XIAP: variants seen among roughly 807,000 people sequenced by gnomAD.
The protein encoded by XIAP is E3 ubiquitin-protein ligase XIAP.
In XIAP, 3 loss-of-function variants were observed where a neutral mutation model predicts 33.1. The ratio of observed to expected loss-of-function variants is 0.09; its 90% CI spans 0.04 to 0.23. The LOEUF (loss-of-function observed/expected upper bound fraction) is 0.23, where lower values mean the gene tolerates loss of function less well. XIAP is among the 10% of genes least tolerant of loss of function. The probability of loss-of-function intolerance (pLI) is 1.00; values close to 1 mark genes in which losing one functional copy is unlikely to be tolerated. For missense variants in XIAP, 264 were observed against 363.0 expected, an observed-to-expected ratio of 0.73 and a Z score of 2.22; for synonymous variants, 98 against 121.3, an observed-to-expected ratio of 0.81 and a Z score of 1.26.
intron 1 of XIAP, among the ~76,000 whole-genome samples, chrX:123,883,979 A>G (rs2053329153): frequency 8.9e-6 from 1 of 112,158 alleles, no homozygotes; most frequent in Admixed American, 9.6e-5. Flanking sequence ...TAATTCATCA[A>G]AAGTCATGGA....
intron 1 of XIAP, among the ~76,000 whole-genome samples, chrX:123,865,646 C>T (rs1267634380): frequency 3.6e-5 from 4 of 110,649 alleles, no homozygotes; most frequent in Non-Finnish European, 7.6e-5. Flanking sequence ...ATGGTGTGAA[C>T]CCGGGAGGCG....
chrX:123,891,771 A>G (rs991131056), intron 4 of XIAP, among the ~76,000 whole-genome samples: 12 of 105,218 alleles, frequency 1.1e-4, no homozygotes, highest in African/African-American at 4.2e-4. Context: ...TCAGTGAGCC[A>G]GGTTCATTCC....
rs1211628325 is a variant in XIAP at position 123,900,729 on chromosome X, C to T, written c.1300+36C>T. On this transcript the variant is annotated intron_variant, in intron 6 of 6. Transcript: ENST00000371199. ...CTGTTTTTAAAAAGCAAGAAAGGGC[C>T]AGATGTGGTGGCTCATACCTGTAAT... 8.6e-6 allele frequency: 10 copies of T among 1,158,427 alleles called. No homozygotes were observed. The Admixed American group carries it at 2.2e-4, about 25-fold the overall frequency.
intron 1 of XIAP, among the ~76,000 whole-genome samples, chrX:123,883,114 G>A (rs1182968999): frequency 1.8e-5 from 2 of 109,493 alleles, no homozygotes; most frequent in South Asian, 3.9e-4. Context: ...ATGGAGCCTC[G>A]CTCTGTCGCC....
chrX:123,901,623 A>G (rs2053514919), intron 6 of XIAP, among the ~76,000 whole-genome samples: 1 of 111,994 alleles, frequency 8.9e-6, no homozygotes, highest in Non-Finnish European at 1.9e-5. Flanking sequence ...AGATATTTCA[A>G]GTGCTTTTGA....
chrX:123,871,576 G>A (rs1408203183), intron 1 of XIAP, among the ~76,000 whole-genome samples: 1 of 109,028 alleles, frequency 9.2e-6, no homozygotes, highest in Non-Finnish European at 1.9e-5. Context: ...GAGTGGCCAG[G>A]CTCAAGTGAT....
rs1455303159 is a variant in XIAP, at chrX:123,872,865, C to G, written c.-33+12572C>G. The G allele has an allele frequency of 2.7e-5, 3 of 110,302 alleles. No individual in the cohort carries two copies. The East Asian group carries it at 8.6e-4, about 32-fold the overall frequency. 9.1% of individuals were successfully genotyped at this position (110,302 alleles called of 1,213,427 possible). On this transcript the variant is annotated intron_variant, in intron 1 of 6. Transcript: ENST00000371199. Reference sequence around the variant, plus strand: ...TCTGGGACTTGACCTGTATCCCTCTCTCTCTCTTTTTTTTGGATAGCTTTT... The same window carrying G: ...TCTGGGACTTGACCTGTATCCCTCTGTCTCTCTTTTTTTTGGATAGCTTTT...
intron 1 of XIAP, among the ~76,000 whole-genome samples, chrX:123,869,056 A>G (rs1250251460): frequency 9.0e-6 from 1 of 111,079 alleles, no homozygotes; most frequent in East Asian, 2.8e-4. Context: ...CAGACTGAGA[A>G]TAGCTTGATC....
intron 1 of XIAP, among the ~76,000 whole-genome samples, chrX:123,883,286 G>C (rs1373647047): frequency 7.5e-5 from 8 of 106,228 alleles, no homozygotes; most frequent in Non-Finnish European, 1.4e-4. Context: ...GTTTCACCAT[G>C]TTGGTCAGGC....
In XIAP at chrX:123,892,970, G is replaced by A. The variant is rs777270627; in HGVS notation, c.1099+197G>A. Among the ~76,000 whole-genome samples, 12 of 109,880 alleles carry A rather than the reference G, an allele frequency of 1.1e-4. No homozygotes were observed. The South Asian group carries it at 3.2e-3, about 29-fold the overall frequency. On this transcript the variant is annotated intron_variant, in intron 5 of 6. Coordinates refer to ENST00000371199, the MANE Select transcript of XIAP (RefSeq NM_001167.4). ...CGAGTAGCTGGGACTACAGGCCTGC[G>A]CCACCATGCCCGGCTAACTTTTTAT...
At chrX:123,904,950 C>G (rs1311456864) in intron 6 of XIAP, among the ~76,000 whole-genome samples, 3 of 111,929 alleles carry the variant, frequency 2.7e-5, no homozygotes, top group Non-Finnish European at 1.9e-5. Context: ...GCTTTTTACA[C>G]TATTTTGGGA....
At chrX:123,883,558 G>A (rs2053324617) in intron 1 of XIAP, among the ~76,000 whole-genome samples, 2 of 98,476 alleles carry the variant, frequency 2.0e-5, no homozygotes, top group African/African-American at 7.6e-5. Context: ...GTGCAGTGGC[G>A]CGATCTCAGC....
chrX:123,907,350 G>T lies in XIAP; in HGVS notation c.*169G>T, dbSNP rs773910260. 5.8e-6 allele frequency: 3 copies of T among 520,708 alleles called. No individual in the cohort carries two copies. The South Asian group carries it at 7.9e-5, about 14-fold the overall frequency. The allele number at this position is 520,708 out of a possible 1,213,427, so 42.9% of individuals were successfully genotyped here. ...TGGCAATATAATCTTTGAATTTCTT[G>T]ATTTTTCAGGGTATTAGCTGTATTA... On this transcript the variant is annotated 3_prime_UTR_variant, in exon 7 of 7. Coordinates refer to ENST00000371199, the MANE Select transcript of XIAP (RefSeq NM_001167.4).
In XIAP at chrX:123,886,029, A is replaced by G. The variant is rs2053347994; in HGVS notation, c.367A>G (p.Ser123Gly). The change falls in exon 2 of 7, where the codon AGC becomes GGC. Residue 123 changes from serine to glycine, a missense_variant. Physicochemically the swap from Ser to Gly is moderately conservative, Grantham distance 56. Coordinates refer to ENST00000371199, the MANE Select transcript of XIAP (RefSeq NM_001167.4). ...GTACAAAGTTGAAAACTATCTGGGA[A>G]GCAGAGATCATTTTGCCTTAGACAG... is the stretch of plus-strand genomic sequence containing the variant. ...GQYKVENYLG[S>G]RDHFALDRPS... 1 of 1,210,476 alleles carries G rather than the reference A, an allele frequency of 8.3e-7. No individual in the cohort carries two copies. The highest frequency in any genetic ancestry group is 1.7e-5 in the African/African-American group (1 of 57,442).
At chrX:123,899,243 ATATATATATGATTTTG>A (rs1176579752) in intron 5 of XIAP, among the ~76,000 whole-genome samples, 13 of 86,644 alleles carry the variant, frequency 1.5e-4, no homozygotes, top group Middle Eastern at 6.6e-3. Context: ...ATGATTTTGT[ATATATATATGATTTTG>A]TATATATATG....
chrX:123,896,944 T>C (rs868736083), intron 5 of XIAP, among the ~76,000 whole-genome samples: 1 of 103,841 alleles, frequency 9.6e-6, no homozygotes, highest in African/African-American at 3.5e-5. Context: ...TTTTTTTTTT[T>C]TTTTGAGACG....
intron 1 of XIAP, among the ~76,000 whole-genome samples, chrX:123,876,446 A>G (rs761379578): frequency 1.8e-5 from 2 of 111,524 alleles, no homozygotes; most frequent in African/African-American, 3.3e-5. Flanking sequence ...GTTCACGCCT[A>G]TAATCACAAC....
At chrX:123,897,603 C>T (rs779443119) in intron 5 of XIAP, among the ~76,000 whole-genome samples, 2 of 110,592 alleles carry the variant, frequency 1.8e-5, no homozygotes, top group African/African-American at 6.6e-5. Context: ...CGCTCTGTCA[C>T]CCAGGCTGGA....
chrX:123,872,545 C>G (rs2053204369), intron 1 of XIAP: 1 of 109,848 alleles, frequency 9.1e-6, no homozygotes, highest in Non-Finnish European at 1.9e-5. Context: ...AAAAATTAGT[C>G]GGGCATGGTG....
Sources: allele counts gnomAD v4.1 joint callset (sites outside exome capture counted in the v4.1 genomes callset), GRCh38; gene constraint gnomAD v4.1.1; transcripts MANE v1.5; gene names NCBI Gene and HGNC (gene_info 2026-07-23, HGNC 2026-07-21).